SOX5: variants seen among roughly 807,000 people sequenced by gnomAD.
The protein encoded by SOX5 is transcription factor SOX-5.
In SOX5, 9 loss-of-function variants were observed where a neutral mutation model predicts 92.0. The observed-to-expected ratio is 0.10, with a 90% confidence interval of 0.06 to 0.17. The LOEUF is 0.17. Among genes scored for constraint, SOX5 ranks in the 10% least tolerant of loss-of-function variants. The pLI is 1.00. For missense variants in SOX5, 642 were observed against 944.5 expected, an observed-to-expected ratio of 0.68 and a Z score of 4.20; for synonymous variants, 344 against 336.3, an observed-to-expected ratio of 1.02 and a Z score of -0.25.
intron 7 of SOX5, 32 bp downstream of exon 7, chr12:23,665,412 C>A: frequency 6.2e-7 from 1 of 1,611,710 alleles, no homozygotes; most frequent in South Asian, 1.1e-5. Context: ...TGCCCTCCAC[C>A]CACTCCCAGA....
At chr12:23,646,297 C>G (rs2080840854) in intron 7 of SOX5, among the ~76,000 whole-genome samples, 1 of 152,142 alleles carries the variant, frequency 6.6e-6, no homozygotes, top group African/African-American at 2.4e-5. Context: ...ACCTCAGTCT[C>G]TTGGGTAGCT....
intron 3 of SOX5, among the ~76,000 whole-genome samples, chr12:24,238,195 C>T (rs1964884003): frequency 1.3e-5 from 2 of 152,090 alleles, no homozygotes; most frequent in South Asian, 4.1e-4. Flanking sequence ...GAAAGGATTA[C>T]AGATGAAGAC....
At chr12:23,843,853 C>T (rs779008648) in intron 3 of SOX5, among the ~76,000 whole-genome samples, 5 of 152,052 alleles carry the variant, frequency 3.3e-5, no homozygotes, top group African/African-American at 1.2e-4. Context: ...CATGAGCCAC[C>T]GTGCCCAGCC....
intron 3 of SOX5, among the ~76,000 whole-genome samples, chr12:23,777,533 C>T (rs1452895953): frequency 2.6e-5 from 4 of 152,110 alleles, no homozygotes; most frequent in East Asian, 3.8e-4. Flanking sequence ...ATGACCATAA[C>T]GTCTGCCTCT....
intron 2 of SOX5, among the ~76,000 whole-genome samples, chr12:24,332,479 G>A (rs927841296): frequency 3.3e-5 from 5 of 152,060 alleles, no homozygotes; most frequent in Non-Finnish European, 7.4e-5. Context: ...ATACAATTTA[G>A]AGAGTAACTG....
At position 24,287,286 on chromosome 12, in the gene SOX5, G is replaced by A. The variant is rs138741563; in HGVS notation, c.-173-9974C>T. Among the ~76,000 whole-genome samples the A allele has an allele frequency of 9.7e-4, 147 of 152,276 alleles. 1 individual carries two copies. Among genetic ancestry groups the A allele is most frequent in the African/African-American group, 3.4e-3 (143 of 41,568 alleles). ...AAACACATGTAACATCAGAAAATAA[G>A]TCAGATATGATTATTTAAAGCAGCA... On this transcript the variant is annotated intron_variant, in intron 2 of 4. Transcript: ENST00000446891.
chr12:24,095,674 C>G (rs1005017429), intron 4 of SOX5, among the ~76,000 whole-genome samples: 1 of 152,036 alleles, frequency 6.6e-6, no homozygotes, highest in African/African-American at 2.4e-5. Context: ...GAATTGTAAT[C>G]CCCAGAATCC....
chr12:24,385,938 AAAAAAAAGAG>A (rs1165474680), intron 1 of SOX5, among the ~76,000 whole-genome samples: 3 of 150,452 alleles, frequency 2.0e-5, no homozygotes, highest in East Asian at 1.9e-4. Flanking sequence ...AAAAAAAAAA[AAAAAAAAGAG>A]AGAGAGATTT....
chr12:24,135,189 GC>G (rs1261778679), intron 4 of SOX5, among the ~76,000 whole-genome samples: 2 of 152,144 alleles, frequency 1.3e-5, no homozygotes, highest in Admixed American at 1.3e-4. Context: ...CCCATTTGCT[GC>G]TAAACCACCC....
chr12:23,724,901 G>A (rs1484283946), intron 6 of SOX5, among the ~76,000 whole-genome samples: 1 of 152,152 alleles, frequency 6.6e-6, no homozygotes, highest in Non-Finnish European at 1.5e-5. Flanking sequence ...AATCTACTTG[G>A]TGGGGTAAAC....
intron 4 of SOX5, among the ~76,000 whole-genome samples, chr12:24,191,959 G>T (rs1174600616): frequency 1.3e-5 from 2 of 152,014 alleles, no homozygotes. Context: ...CTATGAAGGG[G>T]AATTTCTAAT....
intron 4 of SOX5, among the ~76,000 whole-genome samples, chr12:24,028,988 T>C (rs1386236988): frequency 1.3e-5 from 2 of 152,014 alleles, no homozygotes; most frequent in Admixed American, 1.3e-4. Flanking sequence ...ACCAATTACA[T>C]TTCAAAAATA....
intron 2 of SOX5, among the ~76,000 whole-genome samples, chr12:24,351,009 G>C (rs1056545981): frequency 6.6e-6 from 1 of 152,124 alleles, no homozygotes; most frequent in African/African-American, 2.4e-5. Context: ...AGTGAGCTGA[G>C]TTCATACCAC....
intron 11 of SOX5, among the ~76,000 whole-genome samples, chr12:23,552,974 G>A (rs1944487905): frequency 6.6e-6 from 1 of 151,934 alleles, no homozygotes; most frequent in Admixed American, 6.6e-5. Flanking sequence ...TAAACCTGGA[G>A]ATGTGCAAGA....
At chr12:23,851,440 AAAAACTCGATAG>A (rs1313092843) in intron 2 of SOX5, among the ~76,000 whole-genome samples, 19 of 152,304 alleles carry the variant, frequency 1.2e-4, no homozygotes, top group African/African-American at 4.6e-4. Context: ...ACCAAGTTTA[AAAAACTCGATAG>A]AAAACACTAA....
At chr12:24,076,952 A>C (rs1003629497) in intron 4 of SOX5, among the ~76,000 whole-genome samples, 7 of 152,156 alleles carry the variant, frequency 4.6e-5, no homozygotes, top group Admixed American at 1.3e-4. Context: ...CTATTATCCA[A>C]GCCCTAGGAA....
At chr12:23,767,121 C>T (rs946721251) in intron 3 of SOX5, among the ~76,000 whole-genome samples, 3 of 151,678 alleles carry the variant, frequency 2.0e-5, no homozygotes, top group Non-Finnish European at 1.5e-5. Context: ...GTGGGAGGAG[C>T]CTTTGAGCCT....
chr12:24,454,148 A>C (rs1942712183), intron 1 of SOX5, among the ~76,000 whole-genome samples: 1 of 152,206 alleles, frequency 6.6e-6, no homozygotes, highest in Admixed American at 6.5e-5. Context: ...CACCTGCTTA[A>C]GTATTCCGTG....
At chr12:23,925,298 T>A (rs1569031301) in intron 1 of SOX5, among the ~76,000 whole-genome samples, 1 of 152,056 alleles carries the variant, frequency 6.6e-6, no homozygotes, top group African/African-American at 2.4e-5. Context: ...CTGAATAGAG[T>A]TAATGTTAAT....
Sources: allele counts gnomAD v4.1 joint callset (sites outside exome capture counted in the v4.1 genomes callset), GRCh38; gene constraint gnomAD v4.1.1; transcripts MANE v1.5; gene names NCBI Gene and HGNC (gene_info 2026-07-23, HGNC 2026-07-21).